The following CPO variants were observed in gnomAD, a reference collection of about 807,000 sequenced individuals.
CPO encodes carboxypeptidase O, also known as metallocarboxypeptidase C.
Under a neutral mutation model 41.2 loss-of-function variants are expected in CPO, and 43 were observed. That is an observed-to-expected ratio of 1.04 (90% CI 0.82 to 1.35). The LOEUF (loss-of-function observed/expected upper bound fraction) is 1.35, where lower values mean the gene tolerates loss of function less well. Among genes scored for constraint, CPO ranks in the 40% most tolerant of loss-of-function variants. CPO has a pLI of 0.00. For missense variants in CPO, 408 were observed against 451.7 expected (o/e 0.90, Z 0.88); for synonymous variants, 178 against 162.7 (o/e 1.09, Z -0.72).
At chr2:206,956,462 GCA>G (rs1213113279) in intron 3 of CPO, among the ~76,000 whole-genome samples, 1 of 152,192 alleles carries the variant, frequency 6.6e-6, no homozygotes, top group East Asian at 1.9e-4. Context: ...TGTTACAAAT[GCA>G]CACTCTCAGG....
intron 7 of CPO, among the ~76,000 whole-genome samples, chr2:206,966,587 G>T (rs767070584): frequency 6.6e-6 from 1 of 151,906 alleles, no homozygotes; most frequent in African/African-American, 2.4e-5. Flanking sequence ...CAGTGTAAAT[G>T]ATTAAATCAG....
intron 1 of CPO, among the ~76,000 whole-genome samples, chr2:206,945,038 A>T (rs1394060390): frequency 6.6e-6 from 1 of 152,126 alleles, no homozygotes; most frequent in East Asian, 1.9e-4. Flanking sequence ...TTTAACACTT[A>T]CTAGGAATTG....
intron 1 of CPO, among the ~76,000 whole-genome samples, chr2:206,944,963 T>G (rs2105818852): frequency 6.6e-6 from 1 of 152,248 alleles, no homozygotes; most frequent in South Asian, 2.1e-4. Flanking sequence ...AAATTATTCT[T>G]TGTACAATTT....
At position 206,968,333 on chromosome 2, in the gene CPO, G is replaced by C; in HGVS notation, c.848G>C (p.Ser283Thr). Residue 283 changes from serine to threonine, a missense_variant, in exon 8 of 9, where the codon AGT becomes ACT. Ser to Thr is a moderately conservative substitution (Grantham distance 58, BLOSUM62 1). Transcript: ENST00000272852. The part of the protein sequence containing the change: ...KYGTNYRVGS[S>T]ADILYASSGS... The stretch of plus-strand genomic sequence containing the variant: ...GGAACCAATTATAGAGTTGGATCGA[G>C]TGCAGATATTTTATGTAAGTATCTT... 1 of 1,604,440 alleles carries C rather than the reference G, an allele frequency of 6.2e-7. No individual in the cohort carries two copies. The highest frequency in any genetic ancestry group is 8.5e-7 in the Non-Finnish European group (1 of 1,171,362).
At chr2:206,948,553 C>T (rs569313921) in intron 1 of CPO, among the ~76,000 whole-genome samples, 7 of 152,166 alleles carry the variant, frequency 4.6e-5, no homozygotes, top group East Asian at 1.9e-4. Context: ...TGCTTGAGGC[C>T]GGGAGTTTGA....
intron 3 of CPO, among the ~76,000 whole-genome samples, chr2:206,957,085 T>C (rs1441335367): frequency 6.6e-6 from 1 of 152,026 alleles, no homozygotes; most frequent in Non-Finnish European, 1.5e-5. Flanking sequence ...AGGCTAATTA[T>C]AGGAGGACAT....
chr2:206,966,661 G>C (rs1431419569), intron 7 of CPO, among the ~76,000 whole-genome samples: 1 of 152,214 alleles, frequency 6.6e-6, no homozygotes, highest in African/African-American at 2.4e-5. Context: ...AACTGAGGCA[G>C]ACTCAGAATC....
rs1435884748 is a variant in CPO, at chr2:206,968,438, A to T, written c.862+91A>T. 4.0e-6 allele frequency: 3 copies of T among 753,974 alleles called. No homozygotes were observed. The East Asian group carries it at 7.8e-5, about 20-fold the overall frequency. 46.7% of individuals were successfully genotyped at this position (753,974 alleles called of 1,614,324 possible). On this transcript the variant is annotated intron_variant, in intron 8 of 8. Coordinates refer to ENST00000272852, the MANE Select transcript of CPO (RefSeq NM_173077.3). ...GGTGAGATAGGCGGGAGAGGAACAG[A>T]AGAGTTCCTGGGATCAACAGGGAGT...
chr2:206,943,674 TGATAGATAGATAGATA>T lies in CPO; in HGVS notation c.68+4035_68+4050del, dbSNP rs71987761. Among the ~76,000 whole-genome samples, 311 of 106,620 alleles carry T rather than the reference TGATAGATAGATAGATA, an allele frequency of 2.9e-3. 2 individuals carry two copies. The highest frequency in any genetic ancestry group is 4.9e-3 in the Non-Finnish European group (222 of 45,770). 69.9% of individuals were successfully genotyped at this position (106,620 alleles called of 152,430 possible). A position where few individuals can be genotyped will look rare whatever the true frequency, so the allele number is the denominator to read the frequency against. ...TTACGATCAAATGAAGATAGATAGA[TGATAGATAGATAGATA>T]GATAGATAGATAGATAGATAGATAG... On this transcript the variant is annotated intron_variant, in intron 1 of 8. Transcript: ENST00000272852.
intron 1 of CPO, among the ~76,000 whole-genome samples, chr2:206,947,275 A>T (rs1018968918): frequency 5.3e-5 from 8 of 152,200 alleles, no homozygotes; most frequent in African/African-American, 1.7e-4. Flanking sequence ...CTACATAAAT[A>T]TAGTCAAAAG....
intron 6 of CPO, 22 bp from the exon 7 acceptor site, chr2:206,962,390 T>G: frequency 6.2e-7 from 1 of 1,607,638 alleles, no homozygotes; most frequent in Non-Finnish European, 8.5e-7. Flanking sequence ...CAGCCTTCTT[T>G]GTGGTTTCTT....
intron 1 of CPO, among the ~76,000 whole-genome samples, chr2:206,945,869 G>C (rs1287477137): frequency 7.9e-5 from 12 of 151,956 alleles, no homozygotes; most frequent in Admixed American, 7.9e-4. Context: ...CTGGGAGGCG[G>C]AGGTTGCAGT....
At chr2:206,965,904 T>C (rs1693567153) in intron 7 of CPO, among the ~76,000 whole-genome samples, 2 of 152,276 alleles carry the variant, frequency 1.3e-5, no homozygotes, top group African/African-American at 4.8e-5. Flanking sequence ...AGAAGTACAA[T>C]CAGGAGTTCC....
rs368130794 is a variant in CPO at position 206,969,170 on chromosome 2, G to T, written c.863-4G>T. On this transcript the variant is annotated splice_polypyrimidine_tract_variant and splice_region_variant and intron_variant, in intron 8 of 8. Transcript: ENST00000272852. ...TACCTCTGCCTTCATGTTTTCACCT[G>T]TAGATGCCTCATCAGGGTCTTCAAG... 1.2e-5 allele frequency: 20 copies of T among 1,613,774 alleles called. No individual in the cohort carries two copies. Among genetic ancestry groups the T allele is most frequent in the Non-Finnish European group, 1.5e-5 (18 of 1,179,798 alleles).
intron 1 of CPO, among the ~76,000 whole-genome samples, chr2:206,945,608 A>G (rs1291194519): frequency 6.6e-6 from 1 of 152,194 alleles, no homozygotes; most frequent in Non-Finnish European, 1.5e-5. Context: ...ATAACAATTT[A>G]CAGAGTTGTA....
At chr2:206,951,851 A>T (rs1287773943) in intron 2 of CPO, among the ~76,000 whole-genome samples, 2 of 152,246 alleles carry the variant, frequency 1.3e-5, no homozygotes, top group Non-Finnish European at 2.9e-5. Flanking sequence ...TAAATAAAGA[A>T]TATTTGTTGC....
rs775825532 is a variant in CPO, at chr2:206,962,479, G to A, written c.642G>A (p.Glu214=). ...GGACAGGGCCAGTGTCTGAACCAGA[G>A]ACTAAAGCTGTTGCCAGCTTCATAG... is the stretch of plus-strand genomic sequence containing the variant. ...FCGTGPVSEP[E]TKAVASFIES... The change falls in exon 7 of 9, where the codon GAG becomes GAA. Residue 214 remains glutamate, a synonymous_variant. Transcript: ENST00000272852. The A allele has an allele frequency of 5.0e-6, 8 of 1,614,132 alleles. No homozygotes were observed. In the South Asian group the frequency reaches 8.8e-5, roughly 18 times the overall value.
At chr2:206,945,184 C>G (rs1002239206) in intron 1 of CPO, among the ~76,000 whole-genome samples, 9 of 146,240 alleles carry the variant, frequency 6.2e-5, no homozygotes, top group Non-Finnish European at 1.2e-4. Context: ...AGAGAAGACA[C>G]AATACTATTT....
chr2:206,963,814 T>C (rs553007756), intron 7 of CPO, among the ~76,000 whole-genome samples: 2 of 84,262 alleles, frequency 2.4e-5, no homozygotes, highest in African/African-American at 1.1e-4. Context: ...AATATGGGTG[T>C]GCACTTCTAA....
Sources: gnomAD v4.1 joint callset for allele counts (sites outside exome capture counted in the v4.1 genomes callset) on GRCh38, gnomAD v4.1.1 for gene constraint, MANE v1.5 for transcripts, NCBI Gene and HGNC (gene_info 2026-07-23, HGNC 2026-07-21) for gene names.